CAMSAP3: variants seen among roughly 807,000 people sequenced by gnomAD.
CAMSAP3 encodes the protein calmodulin regulated spectrin associated protein family member 3.
CAMSAP3 carries 34 observed loss-of-function variants against 112.5 expected under a neutral mutation model. That is an observed-to-expected ratio of 0.30 (90% CI 0.23 to 0.40). The LOEUF is 0.40. Among genes scored for constraint, CAMSAP3 ranks in the 10% least tolerant of loss-of-function variants. The pLI, the probability that CAMSAP3 is intolerant of heterozygous loss-of-function variation, is 1.00. For synonymous variants in CAMSAP3, 868 were observed against 799.8 expected (o/e 1.09, Z -1.44); for missense variants, 1,602 against 1,770.3 (o/e 0.90, Z 1.71).
chr19:7,608,678 A>G (rs990430519), intron 5 of CAMSAP3, among the ~76,000 whole-genome samples: 2 of 139,468 alleles, frequency 1.4e-5, no homozygotes, highest in Non-Finnish European at 3.0e-5. Context: ...TCTGTTGCCC[A>G]GGCTGGAGTG....
At position 7,596,131 on chromosome 19, in the gene CAMSAP3, G is replaced by A. The variant is rs1486739346; in HGVS notation, c.129G>A (p.Arg43=). Residue 43 remains arginine, a synonymous_variant, in exon 1 of 17, where the codon CGG becomes CGA. Coordinates refer to ENST00000160298, the MANE Select transcript of CAMSAP3 (RefSeq NM_020902.2). ...CGGCCAGCCTGGCGTGGGTGCTGCG[G>A]GCCGCGTTCGGGGGCGCAGGTACCG... ...KAAASLAWVL[R]AAFGGAEHVP... The A allele has an allele frequency of 8.4e-7, 1 of 1,195,846 alleles. No individual in the cohort carries two copies. The highest frequency in any genetic ancestry group is 1.6e-5 in the African/African-American group (1 of 61,186). 74.1% of individuals were successfully genotyped at this position (1,195,846 alleles called of 1,614,324 possible). A position where few individuals can be genotyped will look rare whatever the true frequency, so the allele number is the denominator to read the frequency against.
chr19:7,606,866 C>T, intron 4 of CAMSAP3: 9 of 1,582,560 alleles, frequency 5.7e-6, no homozygotes, highest in Non-Finnish European at 7.8e-6. Flanking sequence ...CTCTGTCTGT[C>T]TGTATGTCTG....
rs945625595 is a variant in CAMSAP3 at position 7,615,610 on chromosome 19, G to A, written c.3003G>A (p.Arg1001=). Residue 1001 remains arginine (R), a synonymous_variant, in exon 13 of 17, where the codon CGG becomes CGA. Coordinates refer to ENST00000160298, the MANE Select transcript of CAMSAP3 (RefSeq NM_020902.2). The surrounding 1 kb of genome is among the most constrained non-coding windows in gnomAD (Gnocchi z 6.5). ...MDDLDKVLRP[R]AAGSGGPGRG... Reference sequence around the variant, plus strand: ...ACCTCGATAAGGTGCTGCGGCCCCGGGCTGCGGGGTCCGGGGGTCCAGGTC... The same window carrying A: ...ACCTCGATAAGGTGCTGCGGCCCCGAGCTGCGGGGTCCGGGGGTCCAGGTC... 4 of 1,462,016 alleles carry A rather than the reference G, an allele frequency of 2.7e-6. No homozygotes were observed. The highest frequency in any genetic ancestry group is 3.6e-6 in the Non-Finnish European group (4 of 1,108,060). 90.6% of individuals were successfully genotyped at this position (1,462,016 alleles called of 1,614,324 possible). A position where few individuals can be genotyped will look rare whatever the true frequency, so the allele number is the denominator to read the frequency against.
In CAMSAP3 at chr19:7,596,125, G is replaced by C; in HGVS notation, c.123G>C (p.Val41=). 1 of 1,208,006 alleles carries C rather than the reference G, an allele frequency of 8.3e-7. No individual in the cohort carries two copies. The highest frequency in any genetic ancestry group is 2.9e-5 in the Admixed American group (1 of 34,644). 74.8% of individuals were successfully genotyped at this position (1,208,006 alleles called of 1,614,324 possible). ...RAKAAASLAW[V]LRAAFGGAEH... ...AGGCGGCGGCCAGCCTGGCGTGGGT[G>C]CTGCGGGCCGCGTTCGGGGGCGCAG... is the stretch of plus-strand genomic sequence containing the variant. Residue 41 remains valine, a synonymous_variant, in exon 1 of 17, where the codon GTG becomes GTC. Transcript: ENST00000160298.
intron 1 of CAMSAP3, among the ~76,000 whole-genome samples, chr19:7,602,520 G>A (rs1382613635): frequency 6.6e-6 from 1 of 152,152 alleles, no homozygotes; most frequent in Non-Finnish European, 1.5e-5. Context: ...TTGGATTTGG[G>A]AGATATCAGG....
rs754747174 is a variant in CAMSAP3 at position 7,610,882 on chromosome 19, TC to T, written c.1006del (p.Arg336GlyfsTer42). The T allele has an allele frequency of 6.3e-7, 1 of 1,595,738 alleles. No individual in the cohort carries two copies. Among genetic ancestry groups the T allele is most frequent in the South Asian group, 1.1e-5 (1 of 88,676 alleles). On this transcript the variant is annotated frameshift_variant, in exon 8 of 17. Transcript: ENST00000160298. LOFTEE classifies it high-confidence loss of function. The surrounding 1 kb of genome is among the most constrained non-coding windows in gnomAD (Gnocchi z 4.9). The stretch of plus-strand genomic sequence containing the variant: ...CCCTCTTCTCTGTACTGCAGCTGCC[TC>T]CCCCCGGGGCACTGAGGCCTCCCCA... ...VKDLPDGHAA[S>X]PRGTEASPPQ...
At chr19:7,597,643 T>TTC (rs2024467442) in intron 1 of CAMSAP3, among the ~76,000 whole-genome samples, 3 of 152,228 alleles carry the variant, frequency 2.0e-5, no homozygotes, top group African/African-American at 7.2e-5. Context: ...GCGTAAAAGC[T>TTC]GTAGTGACCA....
In CAMSAP3 at chr19:7,607,892, TCC is replaced by T; in HGVS notation, c.622-232_622-231del. ...TGGTAATGTATCCCCCGCCCCGGGG[TCC>T]CAGGAGTCCCTGTCCCCAGCCCCCG... On this transcript the variant is annotated intron_variant, in intron 4 of 16. Transcript: ENST00000160298. This position sits in a 1 kb window ranked among gnomAD's most constrained non-coding sequence, Gnocchi z 4.9. 1.1e-6 allele frequency: 1 copy of T among 910,060 alleles called. No individual in the cohort carries two copies. Among genetic ancestry groups the T allele is most frequent in the Non-Finnish European group, 1.7e-6 (1 of 575,566 alleles). The allele number at this position is 910,060 out of a possible 1,614,324, so 56.4% of individuals were successfully genotyped here. A position where few individuals can be genotyped will look rare whatever the true frequency, so the allele number is the denominator to read the frequency against.
intron 1 of CAMSAP3, 63 bp downstream of exon 1, chr19:7,596,213 G>T: frequency 9.6e-6 from 5 of 520,936 alleles, no homozygotes; most frequent in Non-Finnish European, 1.3e-5. Context: ...TGCTGGGGGG[G>T]GGCGGGGCGC....
intron 2 of CAMSAP3, 112 bp from the exon 3 acceptor site, chr19:7,606,159 C>A (rs1252790643): frequency 6.3e-6 from 4 of 639,404 alleles, no homozygotes; most frequent in South Asian, 1.7e-5. Flanking sequence ...AAGCCCCACC[C>A]CCCCCGTCAA....
In CAMSAP3 at chr19:7,605,453, G is replaced by A. The variant is rs1438780762; in HGVS notation, c.376G>A (p.Asp126Asn). Residue 126 changes from aspartate to asparagine, a missense_variant, in exon 2 of 17, where the codon GAC becomes AAC. Transcript: ENST00000160298. ...ALPERPVREA[D>N]LRHQPILMGA... The stretch of plus-strand genomic sequence containing the variant: ...GCCCGAGCGCCCGGTGCGCGAGGCC[G>A]ACCTGAGGCACCAGCCCATTCTCAT... The A allele has an allele frequency of 2.7e-6, 4 of 1,457,718 alleles. No individual in the cohort carries two copies. Among genetic ancestry groups the A allele is most frequent in the Non-Finnish European group, 3.6e-6 (4 of 1,102,592 alleles). The allele number at this position is 1,457,718 out of a possible 1,614,324, so 90.3% of individuals were successfully genotyped here.
At position 7,617,417 on chromosome 19, in the gene CAMSAP3, G is replaced by A; in HGVS notation, c.3304G>A (p.Ala1102Thr). The change falls in exon 15 of 17, where the codon GCG (alanine) becomes ACG (threonine). Residue 1102 changes from alanine (A) to threonine (T), a missense_variant. By Grantham distance (58) the Ala-to-Thr change is moderately conservative. Coordinates refer to ENST00000160298, the MANE Select transcript of CAMSAP3 (RefSeq NM_020902.2). This position sits in a 1 kb window ranked among gnomAD's most constrained non-coding sequence, Gnocchi z 7.5. ...WENGSNASSP[A>T]SVPEYTGPRL... ...AAATGGCAGCAATGCCTCCTCCCCA[G>A]CGTCAGTGCCCGAGTACACAGGTAA... is the stretch of plus-strand genomic sequence containing the variant. The A allele has an allele frequency of 6.2e-7, 1 of 1,614,046 alleles. No individual in the cohort carries two copies. Among genetic ancestry groups the A allele is most frequent in the Non-Finnish European group, 8.5e-7 (1 of 1,179,980 alleles).
Position 7,611,437 on chromosome 19 carries a change from C to G in CAMSAP3, c.1124-80C>G. Reference sequence around the variant, plus strand: ...ATCAGTGACTCACCCAATGACCTTGCAGAGGTTGTCCCCAGATGCTGGCTG... The same window carrying G: ...ATCAGTGACTCACCCAATGACCTTGGAGAGGTTGTCCCCAGATGCTGGCTG... On this transcript the variant is annotated intron_variant, in intron 9 of 16. Coordinates refer to ENST00000160298, the MANE Select transcript of CAMSAP3 (RefSeq NM_020902.2). The surrounding 1 kb of genome is among the most constrained non-coding windows in gnomAD (Gnocchi z 6.9). The G allele has an allele frequency of 7.3e-7, 1 of 1,365,580 alleles. No individual in the cohort carries two copies. The highest frequency in any genetic ancestry group is 1.0e-6 in the Non-Finnish European group (1 of 995,766). The allele number at this position is 1,365,580 out of a possible 1,614,324, so 84.6% of individuals were successfully genotyped here.
At position 7,612,852 on chromosome 19, in the gene CAMSAP3, G is replaced by A. The variant is rs545026058; in HGVS notation, c.2359G>A (p.Ala787Thr). Residue 787 changes from alanine to threonine, a missense_variant, in exon 11 of 17, where the codon GCG becomes ACG. Ala to Thr is a moderately conservative substitution (Grantham distance 58). Around this residue, in one of 6 missense-constraint regions of CAMSAP3, gnomAD observed 1,100 missense variants for 1,135.7 expected, o/e 0.97. Coordinates refer to ENST00000160298, the MANE Select transcript of CAMSAP3 (RefSeq NM_020902.2). The part of the protein sequence containing the change: ...SPRSPKHTRP[A>T]ELRLAPLTRV... Reference sequence around the variant, plus strand: ...CCGCAGCCCGAAACACACGCGGCCAGCGGAGCTGCGGCTGGCACCCTTGAC... The same window carrying A: ...CCGCAGCCCGAAACACACGCGGCCAACGGAGCTGCGGCTGGCACCCTTGAC... 2 of 1,594,992 alleles carry A rather than the reference G, an allele frequency of 1.3e-6. No homozygotes were observed. Among genetic ancestry groups the A allele is most frequent in the South Asian group, 1.1e-5 (1 of 89,436 alleles).
chr19:7,608,955 G>A (rs538166218), intron 5 of CAMSAP3, among the ~76,000 whole-genome samples: 33 of 152,014 alleles, frequency 2.2e-4, no homozygotes, highest in Admixed American at 1.9e-3. Context: ...TTTGCATACT[G>A]GGTAGTCCTA....
chr19:7,617,879 G>C lies in CAMSAP3; in HGVS notation c.3572G>C (p.Arg1191Pro). Residue 1191 changes from arginine (R) to proline (P), a missense_variant, in exon 17 of 17, where the codon CGG becomes CCG. Coordinates refer to ENST00000160298, the MANE Select transcript of CAMSAP3 (RefSeq NM_020902.2). This position sits in a 1 kb window ranked among gnomAD's most constrained non-coding sequence, Gnocchi z 7.5. ...ELSRLAGYGPRTVTPAMVEGI... is the reference protein window; with the variant it reads ...ELSRLAGYGPPTVTPAMVEGI... ...TCGCGGCTGGCAGGGTATGGGCCCC[G>C]GACCGTCACGCCCGCCATGGTGGAA... 6.2e-7 allele frequency: 1 copy of C among 1,613,714 alleles called. No individual in the cohort carries two copies. Among genetic ancestry groups the C allele is most frequent in the South Asian group, 1.1e-5 (1 of 91,088 alleles).
intron 2 of CAMSAP3, 135 bp from the exon 3 acceptor site, chr19:7,606,136 G>GGCCCCCCCCCCCCCACA: frequency 2.0e-6 from 1 of 511,800 alleles, no homozygotes; most frequent in Non-Finnish European, 3.4e-6. Context: ...TGAACCACTG[G>GGCCCCCCCCCCCCCACA]CCCCGCCCCC....
Position 7,607,808 on chromosome 19 carries a change from CCT to C in CAMSAP3, c.622-314_622-313del. ...CCCCTCCCCCTTGCTGATGGCTGCTCCTCTCCCCCCAGCACGCAATTGCCTTC... is the reference window on the plus strand; with the variant it reads ...CCCCTCCCCCTTGCTGATGGCTGCTCCTCCCCCCAGCACGCAATTGCCTTC... On this transcript the variant is annotated intron_variant, in intron 4 of 16. Coordinates refer to ENST00000160298, the MANE Select transcript of CAMSAP3 (RefSeq NM_020902.2). The surrounding 1 kb of genome is among the most constrained non-coding windows in gnomAD (Gnocchi z 4.9). 7.8e-7 allele frequency: 1 copy of C among 1,282,514 alleles called. No individual in the cohort carries two copies. Among genetic ancestry groups the C allele is most frequent in the Non-Finnish European group, 1.1e-6 (1 of 939,090 alleles). The allele number at this position is 1,282,514 out of a possible 1,614,324, so 79.4% of individuals were successfully genotyped here.
In CAMSAP3 at chr19:7,611,524, G is replaced by T. The variant is rs779965128; in HGVS notation, c.1131G>T (p.Leu377=). The change falls in exon 10 of 17, where the codon CTG becomes CTT. Residue 377 remains leucine (L), a synonymous_variant. Transcript: ENST00000160298. This position sits in a 1 kb window ranked among gnomAD's most constrained non-coding sequence, Gnocchi z 6.9. ...ACTCATCGCCTCCCCCAGGCTCCCTGAAGTCTTCCCCGTCCATGTCCCATA... is the reference window on the plus strand; with the variant it reads ...ACTCATCGCCTCCCCCAGGCTCCCTTAAGTCTTCCCCGTCCATGTCCCATA... ...QSPLRGSTGS[L]KSSPSMSHME... 11 of 1,611,956 alleles carry T rather than the reference G, an allele frequency of 6.8e-6. No individual in the cohort carries two copies. In the Admixed American group the frequency reaches 1.8e-4, roughly 27 times the overall value.
Sources: gnomAD v4.1 joint callset for allele counts (sites outside exome capture counted in the v4.1 genomes callset) on GRCh38, gnomAD v4.1.1 for gene constraint, gnomAD v4.1.1 regional missense constraint, Gnocchi (gnomAD v3.1) non-coding constraint, MANE v1.5 for transcripts, NCBI Gene and HGNC (gene_info 2026-07-23, HGNC 2026-07-21) for gene names.